ENTREP2: variants seen among roughly 807,000 people sequenced by gnomAD.
ENTREP2 encodes protein ENTREP2.
At chr15:29,183,382 G>T in the ENTREP2 span, among the ~76,000 whole-genome samples, 1 of 152,212 alleles carries the variant, frequency 6.6e-6, no homozygotes, top group Non-Finnish European at 1.5e-5. Context: ...GCTGTGGAGT[G>T]CGGTGACTAA....
the ENTREP2 span, among the ~76,000 whole-genome samples, chr15:29,461,052 AACT>A: frequency 6.6e-6 from 1 of 151,462 alleles, no homozygotes; most frequent in Non-Finnish European, 1.5e-5. Flanking sequence ...TCAAGACAAT[AACT>A]ACGGCATCAA....
the ENTREP2 span, among the ~76,000 whole-genome samples, chr15:29,217,431 T>C: frequency 6.6e-6 from 1 of 152,148 alleles, no homozygotes; most frequent in Non-Finnish European, 1.5e-5. Flanking sequence ...AGTCCCAGAC[T>C]TCTTGGAGGC....
At chr15:29,391,705 T>TGTTACTTA in the ENTREP2 span, among the ~76,000 whole-genome samples, 66 of 152,366 alleles carry the variant, frequency 4.3e-4, no homozygotes, top group African/African-American at 1.5e-3. Flanking sequence ...TGCTGGATTT[T>TGTTACTTA]GTTACTTAGT....
the ENTREP2 span, among the ~76,000 whole-genome samples, chr15:29,441,629 TA>T: frequency 6.6e-6 from 1 of 152,210 alleles, no homozygotes; most frequent in Non-Finnish European, 1.5e-5. Flanking sequence ...ATATAGACGA[TA>T]TTTTTTTAAT....
chr15:29,371,349 AACACACACACACAC>A, the ENTREP2 span, among the ~76,000 whole-genome samples: 20 of 133,980 alleles, frequency 1.5e-4, no homozygotes, highest in African/African-American at 5.2e-4. Flanking sequence ...CACCCCCGCA[AACACACACACACAC>A]ACACACACAC....
chr15:29,279,400 G>C, the ENTREP2 span, among the ~76,000 whole-genome samples: 1 of 150,960 alleles, frequency 6.6e-6, no homozygotes, highest in South Asian at 2.1e-4. Flanking sequence ...GAGCCTGGCT[G>C]TGTCACCAGG....
At chr15:29,653,984 C>T in the ENTREP2 span, among the ~76,000 whole-genome samples, 5 of 152,144 alleles carry the variant, frequency 3.3e-5, no homozygotes, top group African/African-American at 1.2e-4. Flanking sequence ...GATTTCCAAG[C>T]TTATGATGCT....
chr15:29,541,038 G>T, the ENTREP2 span, among the ~76,000 whole-genome samples: 1 of 152,204 alleles, frequency 6.6e-6, no homozygotes, highest in East Asian at 1.9e-4. Flanking sequence ...CAAAATGACA[G>T]AGCCAGAGCA....
the ENTREP2 span, chr15:29,613,323 T>A: frequency 7.0e-5 from 16 of 229,582 alleles, no homozygotes; most frequent in Non-Finnish European, 1.1e-4. Flanking sequence ...TTTCGGTCAG[T>A]TTGGGGCAGG....
chr15:29,601,100 T>C, the ENTREP2 span, among the ~76,000 whole-genome samples: 1 of 149,374 alleles, frequency 6.7e-6, no homozygotes, highest in South Asian at 2.1e-4. Context: ...GGTTTCACCG[T>C]GTTAGCCAGG....
At chr15:29,267,673 T>C in the ENTREP2 span, 1 of 152,190 alleles carries the variant, frequency 6.6e-6, no homozygotes, top group Non-Finnish European at 1.5e-5. Context: ...TAGAGGACTA[T>C]CTTTTGAACC....
chr15:29,260,798 AT>A, the ENTREP2 span, among the ~76,000 whole-genome samples: 11 of 152,202 alleles, frequency 7.2e-5, no homozygotes, highest in African/African-American at 2.7e-4. Context: ...ATGAAAAGAC[AT>A]TTTAAGAGAA....
chr15:29,625,432 G>C, the ENTREP2 span, among the ~76,000 whole-genome samples: 1 of 152,204 alleles, frequency 6.6e-6, no homozygotes, highest in South Asian at 2.1e-4. Context: ...GTCTGGCTCT[G>C]TCGCTCAGGC....
At chr15:29,655,937 A>C in the ENTREP2 span, among the ~76,000 whole-genome samples, 1 of 151,580 alleles carries the variant, frequency 6.6e-6, no homozygotes, top group East Asian at 1.9e-4. Flanking sequence ...AGGCATGAGA[A>C]TCACTTGAAT....
chr15:29,333,410 A>T, the ENTREP2 span, among the ~76,000 whole-genome samples: 1 of 152,166 alleles, frequency 6.6e-6, no homozygotes, highest in Non-Finnish European at 1.5e-5. Context: ...AGCAGTCCAG[A>T]GACATCCAGC....
At chr15:29,636,865 G>C in the ENTREP2 span, among the ~76,000 whole-genome samples, 1 of 152,178 alleles carries the variant, frequency 6.6e-6, no homozygotes, top group Non-Finnish European at 1.5e-5. Flanking sequence ...TTTCTGGGTT[G>C]AGAGATTTAG....
At chr15:29,339,193 G>A in the ENTREP2 span, among the ~76,000 whole-genome samples, 10 of 152,352 alleles carry the variant, frequency 6.6e-5, no homozygotes, top group East Asian at 1.9e-4. Context: ...GCTGCCCAGC[G>A]GCCCACCCCT....
chr15:29,328,194 T>A, the ENTREP2 span, among the ~76,000 whole-genome samples: 1 of 152,182 alleles, frequency 6.6e-6, no homozygotes, highest in Non-Finnish European at 1.5e-5. Context: ...AAGTAACATA[T>A]TGCATAATTC....
At chr15:29,569,458 TTTA>T in the ENTREP2 span, 2 of 41,688 alleles carry the variant, frequency 4.8e-5, no homozygotes, top group East Asian at 3.1e-4. Context: ...AAACATTAGT[TTTA>T]AAGGATTGGT....
Sources: gnomAD v4.1 joint callset for allele counts (sites outside exome capture counted in the v4.1 genomes callset) on GRCh38, gnomAD v4.1.1 for gene constraint, MANE v1.5 for transcripts, NCBI Gene and HGNC (gene_info 2026-07-23, HGNC 2026-07-21) for gene names.